The following DEUP1 variants were observed in gnomAD, a reference collection of about 807,000 sequenced individuals.
The protein encoded by DEUP1 is deuterosome assembly protein 1.
Under a neutral mutation model 87.4 loss-of-function variants are expected in DEUP1, and 82 were observed. The ratio of observed to expected loss-of-function variants is 0.94; its 90% CI spans 0.78 to 1.13. DEUP1 has a LOEUF of 1.13. Ranked by LOEUF, DEUP1 falls within the 50% of genes most tolerant of loss-of-function variation. The pLI is 0.00. For synonymous variants in DEUP1, 214 were observed against 222.7 expected, an observed-to-expected ratio of 0.96 and a Z score of 0.35; for missense variants, 663 against 681.5, an observed-to-expected ratio of 0.97 and a Z score of 0.30.
rs190472583 is a variant in DEUP1 at position 93,377,477 on chromosome 11, T to C, written c.789+6197T>C. Reference sequence around the variant, plus strand: ...TCCATTTGCATGGAATATCTTTGTCTGCCCCTTTACCTTAAGTTTGTGTGA... The same window carrying C: ...TCCATTTGCATGGAATATCTTTGTCCGCCCCTTTACCTTAAGTTTGTGTGA... On this transcript the variant is annotated intron_variant, in intron 7 of 13. Coordinates refer to ENST00000298050, the MANE Select transcript of DEUP1 (RefSeq NM_181645.4). 2.8e-4 allele frequency among the ~76,000 whole-genome samples: 43 copies of C among 152,256 alleles called. 1 individual carries two copies. The highest frequency in any genetic ancestry group is 2.1e-3 in the Admixed American group (32 of 15,282).
intron 5 of DEUP1, among the ~76,000 whole-genome samples, chr11:93,365,028 G>A (rs1475641561): frequency 2.6e-5 from 4 of 151,858 alleles, no homozygotes; most frequent in African/African-American, 9.7e-5. Flanking sequence ...CTTTTACCTG[G>A]ATTCTCAGTA....
At chr11:93,434,623 T>C (rs1204284810) in intron 13 of DEUP1, among the ~76,000 whole-genome samples, 1 of 152,088 alleles carries the variant, frequency 6.6e-6, no homozygotes, top group Non-Finnish European at 1.5e-5. Context: ...AAGCTCTAAG[T>C]TTGGTGGGAC....
chr11:93,395,544 G>A (rs1361077157), intron 10 of DEUP1, among the ~76,000 whole-genome samples: 5 of 152,164 alleles, frequency 3.3e-5, no homozygotes, highest in African/African-American at 7.2e-5. Flanking sequence ...TTTTACAGGT[G>A]TTAACAGTGA....
intron 2 of DEUP1, among the ~76,000 whole-genome samples, chr11:93,346,416 A>G (rs58221250): frequency 0.012 from 1,844 of 152,256 alleles, 38 homozygotes; most frequent in African/African-American, 0.043. Flanking sequence ...TGGTAAAGAC[A>G]GAGTTTCACC....
At chr11:93,344,755 G>A (rs930121888) in intron 2 of DEUP1, among the ~76,000 whole-genome samples, 5 of 151,966 alleles carry the variant, frequency 3.3e-5, no homozygotes, top group African/African-American at 1.2e-4. Flanking sequence ...CATTGATTTG[G>A]GAGCTGATAA....
At chr11:93,405,759 A>G (rs1947253872) in intron 11 of DEUP1, among the ~76,000 whole-genome samples, 1 of 151,962 alleles carries the variant, frequency 6.6e-6, no homozygotes, top group Non-Finnish European at 1.5e-5. Flanking sequence ...AAATTTTACA[A>G]AACTTAGGAT....
intron 2 of DEUP1, among the ~76,000 whole-genome samples, chr11:93,334,539 T>G (rs755344049): frequency 6.6e-6 from 1 of 152,094 alleles, no homozygotes; most frequent in Non-Finnish European, 1.5e-5. Flanking sequence ...AGAGTGTGAA[T>G]GGAGTGGTCA....
intron 13 of DEUP1, among the ~76,000 whole-genome samples, chr11:93,416,126 C>T (rs1451503373): frequency 1.3e-5 from 2 of 151,882 alleles, no homozygotes; most frequent in African/African-American, 2.4e-5. Flanking sequence ...AAGAGTTGTC[C>T]TTGCTCAGAG....
chr11:93,363,363 G>C (rs933603777), intron 4 of DEUP1, among the ~76,000 whole-genome samples: 1 of 151,770 alleles, frequency 6.6e-6, no homozygotes, highest in East Asian at 1.9e-4. Context: ...ACATATATTG[G>C]TCCAATTTCA....
chr11:93,381,217 C>T (rs773176995), intron 7 of DEUP1, among the ~76,000 whole-genome samples: 2 of 152,088 alleles, frequency 1.3e-5, no homozygotes, highest in South Asian at 2.1e-4. Context: ...TTAGGCAAAC[C>T]TCTAACTAAA....
At chr11:93,332,974 C>G (rs913913108) in intron 2 of DEUP1, among the ~76,000 whole-genome samples, 1 of 152,054 alleles carries the variant, frequency 6.6e-6, no homozygotes, top group Non-Finnish European at 1.5e-5. Flanking sequence ...CTGACTTTGG[C>G]GCTAGTCACA....
rs543806184 is a variant in DEUP1, at chr11:93,344,480, C to T, written c.30-10891C>T. Among the ~76,000 whole-genome samples the T allele has an allele frequency of 1.2e-3, 187 of 151,730 alleles. 1 individual carries two copies. The highest frequency in any genetic ancestry group is 4.3e-3 in the African/African-American group (180 of 41,452). On this transcript the variant is annotated intron_variant, in intron 2 of 13. Coordinates refer to ENST00000298050, the MANE Select transcript of DEUP1 (RefSeq NM_181645.4). ...TTCATGACATAGTCTCCTGTCTCTC[C>T]TCTCTATGCTTCTTTCTTCCTAATT...
chr11:93,385,163 G>A (rs1946480798), intron 7 of DEUP1, among the ~76,000 whole-genome samples: 4 of 152,182 alleles, frequency 2.6e-5, no homozygotes. Context: ...CAGTCGCAAT[G>A]AGCCAAGATC....
chr11:93,353,023 AC>A (rs1385411449), intron 2 of DEUP1, among the ~76,000 whole-genome samples: 1 of 152,122 alleles, frequency 6.6e-6, no homozygotes, highest in Non-Finnish European at 1.5e-5. Flanking sequence ...TTAACTCATT[AC>A]AGCATTAACC....
At chr11:93,367,966 G>A (rs1945506601) in intron 5 of DEUP1, among the ~76,000 whole-genome samples, 1 of 152,196 alleles carries the variant, frequency 6.6e-6, no homozygotes, top group South Asian at 2.1e-4. Flanking sequence ...CCCTCAAGTT[G>A]TTTAAAGCCT....
chr11:93,415,767 C>T (rs1178494631), intron 13 of DEUP1, among the ~76,000 whole-genome samples: 2 of 151,796 alleles, frequency 1.3e-5, no homozygotes, highest in African/African-American at 2.4e-5. Context: ...TTTTCTCAAC[C>T]TTGTTTTTTA....
intron 2 of DEUP1, among the ~76,000 whole-genome samples, chr11:93,336,144 A>G (rs570697639): frequency 6.6e-6 from 1 of 152,128 alleles, no homozygotes; most frequent in African/African-American, 2.4e-5. Context: ...AACCCAAAAA[A>G]CAAATAGGAA....
intron 13 of DEUP1, among the ~76,000 whole-genome samples, chr11:93,433,818 GC>G (rs2134514254): frequency 6.6e-6 from 1 of 152,304 alleles, no homozygotes; most frequent in South Asian, 2.1e-4. Flanking sequence ...AACTAGTATA[GC>G]CTGGTGTCCC....
chr11:93,420,445 T>C (rs1591265078), intron 13 of DEUP1, among the ~76,000 whole-genome samples: 1 of 152,102 alleles, frequency 6.6e-6, no homozygotes, highest in East Asian at 1.9e-4. Flanking sequence ...GACAAACCCA[T>C]AGCCAATATC....
Sources: allele counts gnomAD v4.1 joint callset (sites outside exome capture counted in the v4.1 genomes callset), GRCh38; gene constraint gnomAD v4.1.1; transcripts MANE v1.5; gene names NCBI Gene and HGNC (gene_info 2026-07-23, HGNC 2026-07-21).